The following P4HA2 variants were observed in gnomAD, a reference collection of about 807,000 sequenced individuals.
P4HA2 encodes the protein prolyl 4-hydroxylase subunit alpha-2.
Under a neutral mutation model 76.9 loss-of-function variants are expected in P4HA2, and 46 were observed. The ratio of observed to expected loss-of-function variants is 0.60; its 90% CI spans 0.47 to 0.76. The LOEUF is 0.76. Ranked by LOEUF, P4HA2 falls within the 30% of genes least tolerant of loss-of-function variation. P4HA2 has a pLI of 0.00. For missense variants in P4HA2, 583 were observed against 669.4 expected, an observed-to-expected ratio of 0.87 and a Z score of 1.42; for synonymous variants, 243 against 254.0, an observed-to-expected ratio of 0.96 and a Z score of 0.41.
intron 7 of P4HA2, among the ~76,000 whole-genome samples, chr5:132,208,588 G>A (rs76448742): frequency 0.02 from 3,061 of 151,600 alleles, 121 homozygotes; most frequent in African/African-American, 0.071. Flanking sequence ...GACCCTTTTC[G>A]TGAAGACTTG....
intron 1 of P4HA2, 90 bp from the exon 2 acceptor site, chr5:132,218,734 C>A: frequency 2.7e-6 from 2 of 741,024 alleles, no homozygotes; most frequent in Non-Finnish European, 4.7e-6. Flanking sequence ...CACACATATG[C>A]AGATAATCAA....
At chr5:132,193,310 G>A in intron 14 of P4HA2, 1 of 454,540 alleles carries the variant, frequency 2.2e-6, no homozygotes, top group Non-Finnish European at 4.0e-6. Context: ...AGGTTGCCAT[G>A]GGAATAGCAC....
At position 132,198,316 on chromosome 5, in the gene P4HA2, C is replaced by G. The variant is rs1561466118; in HGVS notation, c.1365+5G>C. 1 of 1,614,190 alleles carries G rather than the reference C, an allele frequency of 6.2e-7. No individual in the cohort carries two copies. Among genetic ancestry groups the G allele is most frequent in the Non-Finnish European group, 8.5e-7 (1 of 1,180,044 alleles). On this transcript the variant is annotated splice_donor_5th_base_variant and intron_variant, in intron 12 of 14. Transcript: ENST00000360568. ...TGAACAGGTGGGCCTGGACCCAGTA[C>G]TTACGTAGTTAAGAAACGTCGCTAA... is the stretch of plus-strand genomic sequence containing the variant.
Position 132,203,753 on chromosome 5 carries a change from A to G in P4HA2, c.1246T>C (p.Leu416=). 6.3e-7 allele frequency: 1 copy of G among 1,594,490 alleles called. No homozygotes were observed. The highest frequency in any genetic ancestry group is 8.6e-7 in the Non-Finnish European group (1 of 1,162,008). ...GTCCCAGGTACTATCTGTACCTGTA[A>G]CAATTCTGCAGTCTTTACTGTTAAC... is the stretch of plus-strand genomic sequence containing the variant. ...TGLTVKTAEL[L]QVANYGVGGQ... The change falls in exon 10 of 15, where the codon TTA becomes CTA. Residue 416 remains leucine (L), a synonymous_variant. Transcript: ENST00000360568.
Position 132,210,293 on chromosome 5 carries a change from G to A in P4HA2, c.700C>T (p.Leu234Phe), listed in dbSNP as rs1383622427. The A allele has an allele frequency of 6.2e-7, 1 of 1,614,146 alleles. No individual in the cohort carries two copies. Among genetic ancestry groups the A allele is most frequent in the African/African-American group, 1.3e-5 (1 of 75,036 alleles). The change falls in exon 6 of 15, where the codon CTC becomes TTC. Residue 234 changes from leucine to phenylalanine, a missense_variant. Transcript: ENST00000360568. Reference protein sequence around the residue: ...HRALELTRRLLSLDPSHERAG... With the variant: ...HRALELTRRLFSLDPSHERAG... ...CCTAGAATCTCCTTACCAAGGGAGA[G>A]CAGGCGGCGGGTGAGCTCCAGGGCA...
rs1749953408 is a variant in P4HA2, at chr5:132,191,921, A to G, written c.*1089T>C. 1.3e-5 allele frequency: 2 copies of G among 152,264 alleles called. No homozygotes were observed. The highest frequency in any genetic ancestry group is 4.8e-5 in the African/African-American group (2 of 41,466). 9.4% of individuals were successfully genotyped at this position (152,264 alleles called of 1,614,324 possible). ...AATAAGCATTAACAAAACTGAATGT[A>G]CTATAAAGATTAAAACAAATTACAG... On this transcript the variant is annotated 3_prime_UTR_variant, in exon 15 of 15. Transcript: ENST00000360568.
intron 5 of P4HA2, 127 bp downstream of exon 5, chr5:132,213,789 C>G (rs1001130829): frequency 1.2e-6 from 1 of 819,040 alleles, no homozygotes; most frequent in Non-Finnish European, 2.0e-6. Flanking sequence ...CCAGCACAAA[C>G]TGGTGAGCCA....
At chr5:132,197,214 T>C (rs1223214513) in intron 12 of P4HA2, among the ~76,000 whole-genome samples, 2 of 152,076 alleles carry the variant, frequency 1.3e-5, no homozygotes, top group Admixed American at 6.5e-5. Context: ...GCAGCTCTCA[T>C]CTAGAGAGAG....
intron 10 of P4HA2, among the ~76,000 whole-genome samples, chr5:132,199,241 GGAACACTGCTTGA>G (rs1751151110): frequency 6.6e-6 from 1 of 152,342 alleles, no homozygotes; most frequent in South Asian, 2.1e-4. Context: ...AGCAGCAAAG[GGAACACTGCTTGA>G]GGCGGGCCCT....
At chr5:132,220,080 T>C (rs998443193) in intron 1 of P4HA2, among the ~76,000 whole-genome samples, 2 of 152,194 alleles carry the variant, frequency 1.3e-5, no homozygotes, top group African/African-American at 4.8e-5. Context: ...GGGCGTATTG[T>C]GCTAAGGGGT....
chr5:132,214,356 C>T (rs1461225445), intron 4 of P4HA2, among the ~76,000 whole-genome samples: 2 of 152,122 alleles, frequency 1.3e-5, no homozygotes, highest in African/African-American at 4.8e-5. Flanking sequence ...ATCATTCAGT[C>T]AGAGCTGGTG....
At chr5:132,200,524 T>A (rs1751341552) in intron 10 of P4HA2, 1 of 153,240 alleles carries the variant, frequency 6.5e-6, no homozygotes, top group African/African-American at 2.4e-5. Context: ...GTCAAGAGCT[T>A]GAAGAAAATT....
At chr5:132,210,884 T>A (rs1752989879) in intron 5 of P4HA2, among the ~76,000 whole-genome samples, 2 of 150,446 alleles carry the variant, frequency 1.3e-5, no homozygotes, top group Admixed American at 1.3e-4. Context: ...GCCATATGAG[T>A]CTAGAGGATG....
intron 5 of P4HA2, 112 bp downstream of exon 5, chr5:132,213,804 G>A: frequency 2.1e-6 from 2 of 953,522 alleles, no homozygotes. Flanking sequence ...GAGCCAAGAG[G>A]TGCACCAGAG....
At chr5:132,196,906 A>G (rs1750716983) in intron 12 of P4HA2, among the ~76,000 whole-genome samples, 1 of 151,126 alleles carries the variant, frequency 6.6e-6, no homozygotes, top group African/African-American at 2.4e-5. Flanking sequence ...TCTGATGTTT[A>G]AAATAAGTCT....
chr5:132,219,446 G>A (rs1004035589), intron 1 of P4HA2, among the ~76,000 whole-genome samples: 1 of 152,158 alleles, frequency 6.6e-6, no homozygotes, highest in African/African-American at 2.4e-5. Context: ...ACATGGGAAA[G>A]GGGCCAGCTA....
In P4HA2 at chr5:132,197,988, T is replaced by C. The variant is rs73788823; in HGVS notation, c.1365+333A>G. 2.8e-3 allele frequency: 2,755 copies of C among 985,000 alleles called. 65 individuals are homozygous for C. The African/African-American group carries it at 0.044, about 16-fold the overall frequency. The allele number at this position is 985,000 out of a possible 1,614,324, so 61.0% of individuals were successfully genotyped here. A position where few individuals can be genotyped will look rare whatever the true frequency, so the allele number is the denominator to read the frequency against. Reference sequence around the variant, plus strand: ...CAATTTTAAACACTGGGGAAAAAAATAGGAGCCAGGAATGTTAAAGTCCTG... The same window carrying C: ...CAATTTTAAACACTGGGGAAAAAAACAGGAGCCAGGAATGTTAAAGTCCTG... On this transcript the variant is annotated intron_variant, in intron 12 of 14. Transcript: ENST00000360568.
intron 12 of P4HA2, among the ~76,000 whole-genome samples, chr5:132,197,427 G>C (rs1287818450): frequency 6.6e-6 from 1 of 152,040 alleles, no homozygotes; most frequent in African/African-American, 2.4e-5. Flanking sequence ...GGCCAACATG[G>C]TGAAACCCTA....
At position 132,208,136 on chromosome 5, in the gene P4HA2, C is replaced by CT. The variant is rs112722169; in HGVS notation, c.904-253dup. ...CAGCCTAGATGACATAGACCTGTCT[C>CT]TAAAAAATTAGCCAGGCATGATGGT... On this transcript the variant is annotated intron_variant, in intron 7 of 14. Transcript: ENST00000360568. Among the ~76,000 whole-genome samples, 754 of 151,118 alleles carry CT rather than the reference C, an allele frequency of 5.0e-3. 8 individuals are homozygous for CT. Among genetic ancestry groups the CT allele is most frequent in the African/African-American group, 0.017 (716 of 41,094 alleles).
Sources: gnomAD v4.1 joint callset for allele counts (sites outside exome capture counted in the v4.1 genomes callset) on GRCh38, gnomAD v4.1.1 for gene constraint, MANE v1.5 for transcripts, NCBI Gene and HGNC (gene_info 2026-07-23, HGNC 2026-07-21) for gene names.